The following TRAPPC9 variants were observed in gnomAD, a reference collection of about 807,000 sequenced individuals.
TRAPPC9 encodes the protein IKK2 binding protein.
TRAPPC9 carries 83 observed loss-of-function variants against 124.0 expected under a neutral mutation model. The ratio of observed to expected loss-of-function variants is 0.67; its 90% CI spans 0.56 to 0.80. TRAPPC9 has a LOEUF of 0.80. Ranked by LOEUF, TRAPPC9 falls within the 30% of genes least tolerant of loss-of-function variation. The pLI, the probability that TRAPPC9 is intolerant of heterozygous loss-of-function variation, is 0.00. For missense variants in TRAPPC9, 1,302 were observed against 1,508.3 expected (o/e 0.86, Z 2.27); for synonymous variants, 638 against 617.5 (o/e 1.03, Z -0.49).
chr8:140,068,939 G>T (rs1314551509), intron 17 of TRAPPC9, among the ~76,000 whole-genome samples: 1 of 152,006 alleles, frequency 6.6e-6, no homozygotes, highest in Non-Finnish European at 1.5e-5. Context: ...AATATATAGG[G>T]GATAAAAAAA....
At chr8:140,005,449 C>A (rs915244205) in intron 18 of TRAPPC9, among the ~76,000 whole-genome samples, 1 of 152,186 alleles carries the variant, frequency 6.6e-6, no homozygotes, top group Non-Finnish European at 1.5e-5. Flanking sequence ...CCTGCACTCA[C>A]AAAGGCACTG....
At position 139,980,415 on chromosome 8, in the gene TRAPPC9, C is replaced by T. The variant is rs1332076756; in HGVS notation, c.2810+8311G>A. On this transcript the variant is annotated intron_variant, in intron 19 of 22. Transcript: ENST00000438773. Reference sequence around the variant, plus strand: ...CAACTACTTGAGCAGAAATTGGGTCCGGTCACCTCCACAAGAAGGAAACAA... The same window carrying T: ...CAACTACTTGAGCAGAAATTGGGTCTGGTCACCTCCACAAGAAGGAAACAA... Among the ~76,000 whole-genome samples the T allele has an allele frequency of 2.0e-5, 3 of 152,146 alleles. 1 individual carries two copies. The highest frequency in any genetic ancestry group is 7.2e-5 in the African/African-American group (3 of 41,446).
chr8:140,225,098 C>T (rs2063416494), intron 16 of TRAPPC9, among the ~76,000 whole-genome samples: 1 of 152,206 alleles, frequency 6.6e-6, no homozygotes, highest in South Asian at 2.1e-4. Flanking sequence ...ATCACAACGC[C>T]TGGTACGGGG....
At position 139,730,811 on chromosome 8, in the gene TRAPPC9, G is replaced by T. The variant is rs1817765163; in HGVS notation, c.*250C>A. 1.8e-6 allele frequency: 1 copy of T among 549,086 alleles called. No homozygotes were observed. Among genetic ancestry groups the T allele is most frequent in the Admixed American group, 3.2e-5 (1 of 31,440 alleles). The allele number at this position is 549,086 out of a possible 1,614,324, so 34.0% of individuals were successfully genotyped here. On this transcript the variant is annotated 3_prime_UTR_variant, in exon 23 of 23. Transcript: ENST00000438773. ...GGGCACCCGCTTTGGGATTTCCTCT[G>T]CTTCAGCCTGTGTATGGTCCAGGGA...
chr8:139,917,125 C>A (rs934568515), intron 19 of TRAPPC9, among the ~76,000 whole-genome samples: 6 of 142,844 alleles, frequency 4.2e-5, no homozygotes, highest in African/African-American at 1.0e-4. Context: ...CCTCCTAGAT[C>A]AATTATGGTA....
In TRAPPC9 at chr8:139,729,418, C is replaced by T. The variant is rs1002044106; in HGVS notation, c.*1643G>A. Among the ~76,000 whole-genome samples, 24 of 152,338 alleles carry T rather than the reference C, an allele frequency of 1.6e-4. No homozygotes were observed. Among genetic ancestry groups the T allele is most frequent in the South Asian group, 1.2e-3 (6 of 4,828 alleles). Reference sequence around the variant, plus strand: ...CTCAACTACGCTGAGGCATCCTGAACGGAAGGGCTGAAGAGACCGCCCTGG... The same window carrying T: ...CTCAACTACGCTGAGGCATCCTGAATGGAAGGGCTGAAGAGACCGCCCTGG... On this transcript the variant is annotated 3_prime_UTR_variant, in exon 23 of 23. Transcript: ENST00000438773.
chr8:140,411,135 G>A (rs375121930), intron 5 of TRAPPC9, among the ~76,000 whole-genome samples: 6 of 151,978 alleles, frequency 3.9e-5, no homozygotes, highest in Non-Finnish European at 5.9e-5. Context: ...CTCTAGGTAC[G>A]GGTTTTGTTA....
At chr8:140,352,558 G>A (rs1162541028) in intron 9 of TRAPPC9, among the ~76,000 whole-genome samples, 1 of 152,056 alleles carries the variant, frequency 6.6e-6, no homozygotes, top group Admixed American at 6.6e-5. Flanking sequence ...CTTAGGACTG[G>A]GCTGAACATT....
chr8:140,278,227 C>G (rs1437460200), intron 14 of TRAPPC9, among the ~76,000 whole-genome samples: 1 of 152,168 alleles, frequency 6.6e-6, no homozygotes, highest in Non-Finnish European at 1.5e-5. Flanking sequence ...CCTCAGCCTC[C>G]CGAGTAGCTG....
At position 140,360,040 on chromosome 8, in the gene TRAPPC9, G is replaced by T. The variant is rs965687750; in HGVS notation, c.1495+10C>A. Reference sequence around the variant, plus strand: ...CTTGAAAAAAAACATTGTGGTTTGAGCTCACTCACCCTGATCCGACAAGAA... The same window carrying T: ...CTTGAAAAAAAACATTGTGGTTTGATCTCACTCACCCTGATCCGACAAGAA... On this transcript the variant is annotated intron_variant, in intron 9 of 22. Transcript: ENST00000438773. 7 of 1,613,992 alleles carry T rather than the reference G, an allele frequency of 4.3e-6. No individual in the cohort carries two copies. Among genetic ancestry groups the T allele is most frequent in the Middle Eastern group, 1.6e-4 (1 of 6,084 alleles).
At chr8:140,208,306 G>A (rs535528584) in intron 17 of TRAPPC9, among the ~76,000 whole-genome samples, 1 of 152,248 alleles carries the variant, frequency 6.6e-6, no homozygotes, top group Non-Finnish European at 1.5e-5. Context: ...TGTCCGTAAG[G>A]ATGCTTGTGG....
chr8:140,189,540 A>G (rs1035126038), intron 17 of TRAPPC9, among the ~76,000 whole-genome samples: 1 of 152,250 alleles, frequency 6.6e-6, no homozygotes. Flanking sequence ...AGAGGCCTAG[A>G]CGGCTCCTAA....
At position 140,073,550 on chromosome 8, in the gene TRAPPC9, C is replaced by A. The variant is rs114652168; in HGVS notation, c.2557-49471G>T. ...CCTCTAGTTAGCGTATGGGGATTAA[C>A]CTAGATGGGATACAAGAGAACTTTC... On this transcript the variant is annotated intron_variant, in intron 17 of 22. Coordinates refer to ENST00000438773, the MANE Select transcript of TRAPPC9 (RefSeq NM_001160372.4). 2.9e-3 allele frequency among the ~76,000 whole-genome samples: 449 copies of A among 152,260 alleles called. 2 individuals carry two copies. The highest frequency in any genetic ancestry group is 0.01 in the African/African-American group (432 of 41,548).
In TRAPPC9 at chr8:140,059,078, T is replaced by C. The variant is rs114538227; in HGVS notation, c.2557-34999A>G. Among the ~76,000 whole-genome samples, 805 of 152,296 alleles carry C rather than the reference T, an allele frequency of 5.3e-3. 11 individuals are homozygous for C. Among genetic ancestry groups the C allele is most frequent in the African/African-American group, 0.018 (766 of 41,580 alleles). On this transcript the variant is annotated intron_variant, in intron 17 of 22. Transcript: ENST00000438773. ...TTGTATAATCCACACAGAGAAAAGA[T>C]AAAGCCACTCCATCACCCCCTAAAC... is the stretch of plus-strand genomic sequence containing the variant.
At chr8:140,126,336 A>AC (rs556091655) in intron 17 of TRAPPC9, among the ~76,000 whole-genome samples, 78,458 of 151,726 alleles carry the variant, frequency 0.52, 20,814 homozygotes, top group African/African-American at 0.6. Flanking sequence ...ACAGAGGAAA[A>AC]CGACAGGTCC....
chr8:140,402,232 C>A lies in TRAPPC9; in HGVS notation c.1008+3345G>T, dbSNP rs77239387. ...TAAAAAATAAAAAATTAGCCAGGTG[C>A]GGTGGGATGCACCTGTAGTTACAGC... On this transcript the variant is annotated intron_variant, in intron 6 of 22. Transcript: ENST00000438773. Among the ~76,000 whole-genome samples the A allele has an allele frequency of 2.7e-5, 4 of 150,460 alleles. No individual in the cohort carries two copies. The East Asian group carries it at 7.9e-4, about 30-fold the overall frequency.
intron 18 of TRAPPC9, among the ~76,000 whole-genome samples, chr8:140,003,446 C>CA (rs1323015819): frequency 1.3e-5 from 2 of 151,760 alleles, no homozygotes; most frequent in African/African-American, 4.8e-5. Flanking sequence ...GCTAAAAATA[C>CA]AAAAAATTAA....
chr8:140,310,332 T>C (rs1046207788), intron 10 of TRAPPC9, among the ~76,000 whole-genome samples: 8 of 152,068 alleles, frequency 5.3e-5, no homozygotes, highest in Admixed American at 1.3e-4. Flanking sequence ...TGGGGAACAA[T>C]AGCCAAGCCA....
intron 16 of TRAPPC9, among the ~76,000 whole-genome samples, chr8:140,250,481 T>C (rs971001684): frequency 6.6e-6 from 1 of 152,154 alleles, no homozygotes; most frequent in African/African-American, 2.4e-5. Context: ...GACTGTGAGC[T>C]ACAGGGGGTC....
Sources: gnomAD v4.1 joint callset for allele counts (sites outside exome capture counted in the v4.1 genomes callset) on GRCh38, gnomAD v4.1.1 for gene constraint, MANE v1.5 for transcripts, NCBI Gene and HGNC (gene_info 2026-07-23, HGNC 2026-07-21) for gene names.